Variants in ULK2 observed in about 807,000 individuals in gnomAD.
ULK2 encodes the protein unc-51 like autophagy activating kinase 2.
ULK2 carries 76 observed loss-of-function variants against 127.5 expected under a neutral mutation model. The observed-to-expected ratio is 0.60, with a 90% CI of 0.50 to 0.72. The LOEUF is 0.72. Among genes scored for constraint, ULK2 ranks in the 30% least tolerant of loss-of-function variants. ULK2 has a pLI of 0.00. For missense variants in ULK2, 1,144 were observed against 1,295.9 expected, an observed-to-expected ratio of 0.88 and a Z score of 1.80; for synonymous variants, 452 against 461.9, an observed-to-expected ratio of 0.98 and a Z score of 0.28.
chr17:19,797,932 A>G (rs1463696304), intron 17 of ULK2, among the ~76,000 whole-genome samples: 3 of 152,218 alleles, frequency 2.0e-5, no homozygotes. Flanking sequence ...ATCAGTAGAT[A>G]GCAAATAACT....
At chr17:19,831,282 G>T (rs1349226306) in intron 10 of ULK2, among the ~76,000 whole-genome samples, 2 of 151,678 alleles carry the variant, frequency 1.3e-5, no homozygotes, top group Admixed American at 1.3e-4. Flanking sequence ...CTCCCACCAA[G>T]CCCCTCCCCA....
chr17:19,838,479 A>C, intron 10 of ULK2, 22 bp downstream of exon 10: 1 of 1,585,432 alleles, frequency 6.3e-7, no homozygotes, highest in Non-Finnish European at 8.6e-7. Context: ...GAAAACATGC[A>C]AAAGTTAAAA....
intron 25 of ULK2, among the ~76,000 whole-genome samples, chr17:19,778,275 AT>A (rs1445612948): frequency 2.6e-5 from 4 of 152,242 alleles, no homozygotes; most frequent in Admixed American, 2.6e-4. Context: ...TGCAATTCTA[AT>A]GCCAAGGCAC....
In ULK2 at chr17:19,804,705, T is replaced by C. The variant is rs1233369685; in HGVS notation, c.1283A>G (p.His428Arg). Residue 428 changes from histidine to arginine, a missense_variant, in exon 15 of 27, where the codon CAT becomes CGT. Physicochemically the swap from His to Arg is conservative, Grantham distance 29. Around this residue, in one of 2 missense-constraint regions of ULK2, gnomAD observed 913 missense variants for 970.5 expected, o/e 0.94. Transcript: ENST00000395544. ...TSTASSGTNV[H>R]GSPRSAVVRR... ...GCTACTAACTTACCTTGGAGAACCA[T>C]GTACATTTGTGCCTGAGCTGGCAGT... is the stretch of plus-strand genomic sequence containing the variant. The C allele has an allele frequency of 6.2e-7, 1 of 1,606,548 alleles. No homozygotes were observed. The highest frequency in any genetic ancestry group is 8.5e-7 in the Non-Finnish European group (1 of 1,176,160).
chr17:19,816,182 C>A (rs114873148), intron 13 of ULK2, among the ~76,000 whole-genome samples: 1,917 of 152,080 alleles, frequency 0.013, 42 homozygotes, highest in African/African-American at 0.043. Context: ...TTTTCTGATA[C>A]TATTCCTTCA....
chr17:19,852,921 A>T (rs982979549), intron 3 of ULK2, among the ~76,000 whole-genome samples: 2 of 152,070 alleles, frequency 1.3e-5, no homozygotes, highest in Non-Finnish European at 1.5e-5. Context: ...AAGTGCTGGG[A>T]TTACAGGCGT....
At chr17:19,781,150 T>G in intron 23 of ULK2, 46 bp from the exon 24 acceptor site, 2 of 1,554,664 alleles carry the variant, frequency 1.3e-6, no homozygotes, top group Non-Finnish European at 1.8e-6. Context: ...TGAACTAATG[T>G]AAGATGTGGC....
intron 3 of ULK2, among the ~76,000 whole-genome samples, chr17:19,851,327 A>AG (rs1491476042): frequency 1.5e-5 from 1 of 67,408 alleles, no homozygotes; most frequent in East Asian, 6.7e-4. Flanking sequence ...ACTTCCCCTC[A>AG]AAAAAAAAAA....
At chr17:19,822,475 C>T (rs2041175581) in intron 12 of ULK2, among the ~76,000 whole-genome samples, 1 of 151,322 alleles carries the variant, frequency 6.6e-6, no homozygotes, top group South Asian at 2.1e-4. Context: ...GATTCTACTG[C>T]CTCAGCCTCC....
intron 22 of ULK2, among the ~76,000 whole-genome samples, chr17:19,782,880 C>T (rs1435116078): frequency 6.6e-6 from 1 of 152,132 alleles, no homozygotes; most frequent in African/African-American, 2.4e-5. Context: ...CGCACCACTG[C>T]ATTCCAACCT....
chr17:19,862,706 C>T (rs1227845742), intron 3 of ULK2, among the ~76,000 whole-genome samples: 1 of 151,882 alleles, frequency 6.6e-6, no homozygotes. Context: ...CCTCAGGTGA[C>T]CCACCTACCT....
At position 19,786,047 on chromosome 17, in the gene ULK2, G is replaced by A; in HGVS notation, c.2141C>T (p.Ala714Val). 6.4e-7 allele frequency: 1 copy of A among 1,572,918 alleles called. No individual in the cohort carries two copies. Residue 714 changes from alanine (A) to valine (V), a missense_variant, in exon 21 of 27, where the codon GCA becomes GTA. Ala to Val is a moderately conservative substitution (Grantham distance 64). Coordinates refer to ENST00000395544, the MANE Select transcript of ULK2 (RefSeq NM_014683.4). ...AGCCTTGGAACTTGCTGCTGTACCT[G>A]CAGGAGGTGCCAGAACACCACCACA... is the stretch of plus-strand genomic sequence containing the variant. ...GACGGVLAPP[A>V]GTAASSKAVL...
In ULK2 at chr17:19,781,963, T is replaced by C. The variant is rs2086927968; in HGVS notation, c.2565A>G (p.Thr855=). The change falls in exon 23 of 27, where the codon ACA becomes ACG. Residue 855 remains threonine, a synonymous_variant. Transcript: ENST00000395544. ...GGATCTGGTACAAGGACACAGCAGATGTGCACAGCTCAGGGTTTCCTCCCC... is the reference window on the plus strand; with the variant it reads ...GGATCTGGTACAAGGACACAGCAGACGTGCACAGCTCAGGGTTTCCTCCCC... The part of the protein sequence containing the change: ...AMRGGNPELC[T]SAVSLYQIQE... 11 of 1,614,112 alleles carry C rather than the reference T, an allele frequency of 6.8e-6. No individual in the cohort carries two copies. Among genetic ancestry groups the C allele is most frequent in the South Asian group, 3.3e-5 (3 of 91,094 alleles).
intron 23 of ULK2, 23 bp downstream of exon 23, chr17:19,781,866 A>G (rs1421388707): frequency 6.2e-7 from 1 of 1,606,992 alleles, no homozygotes; most frequent in Admixed American, 1.7e-5. Flanking sequence ...AAGTCTGGAA[A>G]TGAATGACAA....
intron 21 of ULK2, among the ~76,000 whole-genome samples, chr17:19,785,116 T>C (rs1415161794): frequency 6.6e-6 from 1 of 152,136 alleles, no homozygotes; most frequent in East Asian, 1.9e-4. Flanking sequence ...TATTTACAGA[T>C]TATAAATGAT....
At chr17:19,843,079 C>CA (rs764242012) in intron 8 of ULK2, 42 bp downstream of exon 8, 5 of 1,460,254 alleles carry the variant, frequency 3.4e-6, no homozygotes, top group Non-Finnish European at 4.8e-6. Flanking sequence ...TATAAAATGA[C>CA]AAGATCCCAA....
intron 17 of ULK2, 141 bp from the exon 18 acceptor site, chr17:19,797,823 G>T: frequency 1.2e-6 from 1 of 833,398 alleles, no homozygotes; most frequent in Non-Finnish European, 1.7e-6. Context: ...TGATTTACTT[G>T]GCAAGAGACT....
At chr17:19,853,803 C>A (rs2042068421) in intron 3 of ULK2, among the ~76,000 whole-genome samples, 2 of 151,500 alleles carry the variant, frequency 1.3e-5, no homozygotes, top group African/African-American at 2.4e-5. Context: ...GATCTCCTGA[C>A]CTCGTGATCC....
chr17:19,848,554 C>T (rs1011405776), intron 5 of ULK2, among the ~76,000 whole-genome samples: 2 of 151,992 alleles, frequency 1.3e-5, no homozygotes, highest in Non-Finnish European at 2.9e-5. Context: ...TGAGGCGGGC[C>T]GATCACGAGG....
Sources: allele counts gnomAD v4.1 joint callset (sites outside exome capture counted in the v4.1 genomes callset), GRCh38; gene constraint gnomAD v4.1.1; regional missense constraint gnomAD v4.1.1; transcripts MANE v1.5; gene names NCBI Gene and HGNC (gene_info 2026-07-23, HGNC 2026-07-21).